Variants in PBX4 observed in about 807,000 individuals in gnomAD.
PBX4 encodes the protein PBX homeobox 4.
Under a neutral mutation model 35.1 loss-of-function variants are expected in PBX4, and 26 were observed. That is an observed-to-expected ratio of 0.74 (90% CI 0.54 to 1.03). The LOEUF is 1.03. Ranked by LOEUF, PBX4 falls within the 50% of genes least tolerant of loss-of-function variation. PBX4 has a pLI of 0.00. For synonymous variants in PBX4, 199 were observed against 204.2 expected, an observed-to-expected ratio of 0.97 and a Z score of 0.22; for missense variants, 448 against 504.3, an observed-to-expected ratio of 0.89 and a Z score of 1.07.
chr19:19,564,869 C>G, intron 6 of PBX4, 64 bp downstream of exon 6: 1 of 1,600,308 alleles, frequency 6.2e-7, no homozygotes, highest in South Asian at 1.1e-5. Flanking sequence ...GTGGCCTCCC[C>G]AGATGCAGCT....
At position 19,570,837 on chromosome 19, in the gene PBX4, G is replaced by C; in HGVS notation, c.194-4C>G. On this transcript the variant is annotated splice_region_variant and splice_polypyrimidine_tract_variant and intron_variant, in intron 2 of 7. Coordinates refer to ENST00000251203, the MANE Select transcript of PBX4 (RefSeq NM_025245.3). Reference sequence around the variant, plus strand: ...TGAATGCCACGGATGCTTACCACTAGATAAGAGAGACCGGGACAAGTCACA... The same window carrying C: ...TGAATGCCACGGATGCTTACCACTACATAAGAGAGACCGGGACAAGTCACA... 1 of 1,612,844 alleles carries C rather than the reference G, an allele frequency of 6.2e-7. No homozygotes were observed. The highest frequency in any genetic ancestry group is 8.5e-7 in the Non-Finnish European group (1 of 1,179,296).
At position 19,562,086 on chromosome 19, in the gene PBX4, TGGG is replaced by T. The variant is rs748202447; in HGVS notation, c.1061_1063del (p.Pro354del). The T allele has an allele frequency of 6.2e-7, 1 of 1,612,652 alleles. No individual in the cohort carries two copies. Among genetic ancestry groups the T allele is most frequent in the Non-Finnish European group, 8.5e-7 (1 of 1,179,504 alleles). On this transcript the variant is annotated inframe_deletion, in exon 8 of 8. Coordinates refer to ENST00000251203, the MANE Select transcript of PBX4 (RefSeq NM_025245.3). The surrounding 1 kb of genome is among the most constrained non-coding windows in gnomAD (Gnocchi z 4.8). Reference sequence around the variant, plus strand: ...TCCAGCAGGTGAGGCAGTTGCAGGTTGGGGGGTGGCCCCCTGCCAGCTACCCTG... The same window carrying T: ...TCCAGCAGGTGAGGCAGTTGCAGGTTGGGTGGCCCCCTGCCAGCTACCCTG...
At position 19,562,047 on chromosome 19, in the gene PBX4, A is replaced by C; in HGVS notation, c.1103T>G (p.Ile368Ser). 1 of 1,613,264 alleles carries C rather than the reference A, an allele frequency of 6.2e-7. No individual in the cohort carries two copies. ...TASPAGDPGS[I>S]NSSTSN ...AACTTAATTAGATGTACTGGAGTTG[A>C]TGCTGCCAGGGTCTCCAGCAGGTGA... Residue 368 changes from isoleucine (I) to serine (S), a missense_variant, in exon 8 of 8, where the codon ATC becomes AGC. By Grantham distance (142) the Ile-to-Ser change is moderately radical. Transcript: ENST00000251203. The surrounding 1 kb of genome is among the most constrained non-coding windows in gnomAD (Gnocchi z 4.8).
intron 1 of PBX4, among the ~76,000 whole-genome samples, chr19:19,613,277 C>G (rs1372723619): frequency 1.3e-5 from 2 of 151,012 alleles, no homozygotes; most frequent in Non-Finnish European, 3.0e-5. Context: ...AGCAGCCTGG[C>G]CAACATGGCA....
chr19:19,563,483 G>A lies in PBX4; in HGVS notation c.1032+26C>T, dbSNP rs1043301773. 17 of 1,479,982 alleles carry A rather than the reference G, an allele frequency of 1.1e-5. No individual in the cohort carries two copies. In the East Asian group the frequency reaches 2.0e-4, roughly 17 times the overall value. The allele number at this position is 1,479,982 out of a possible 1,614,324, so 91.7% of individuals were successfully genotyped here. On this transcript the variant is annotated intron_variant, in intron 7 of 7. Transcript: ENST00000251203. This position sits in a 1 kb window ranked among gnomAD's most constrained non-coding sequence, Gnocchi z 5.1. Reference sequence around the variant, plus strand: ...CTGAGAACCTACCACCCACCTGGGCGCTGTGGGACAGTGCCTGAGACTCAC... The same window carrying A: ...CTGAGAACCTACCACCCACCTGGGCACTGTGGGACAGTGCCTGAGACTCAC...
chr19:19,594,396 A>C (rs1476015722), intron 2 of PBX4, among the ~76,000 whole-genome samples: 1 of 136,374 alleles, frequency 7.3e-6, no homozygotes, highest in Non-Finnish European at 1.6e-5. Context: ...AACTCTGTCT[A>C]AAAAAAAAAA....
chr19:19,598,696 C>T (rs890581756), intron 2 of PBX4, among the ~76,000 whole-genome samples: 1 of 152,112 alleles, frequency 6.6e-6, no homozygotes, highest in Non-Finnish European at 1.5e-5. Context: ...TAGAATGCAG[C>T]TGCTTGTTAC....
chr19:19,585,033 C>T (rs1270133331), intron 2 of PBX4, among the ~76,000 whole-genome samples: 1 of 152,032 alleles, frequency 6.6e-6, no homozygotes, highest in Admixed American at 6.6e-5. Context: ...AACTGCCTGG[C>T]TTTACCTTTT....
chr19:19,604,418 G>C (rs1447581797), intron 1 of PBX4, among the ~76,000 whole-genome samples: 2 of 125,062 alleles, frequency 1.6e-5, no homozygotes, highest in Non-Finnish European at 3.1e-5. Flanking sequence ...AGCGAGACAA[G>C]ATCACATCAC....
chr19:19,581,659 C>T (rs561418876), intron 2 of PBX4, among the ~76,000 whole-genome samples: 3 of 152,284 alleles, frequency 2.0e-5, no homozygotes, highest in South Asian at 4.1e-4. Flanking sequence ...AAAGGCCACG[C>T]TGCAGGAGGA....
At chr19:19,614,706 AAAAC>A (rs543027482) in intron 1 of PBX4, among the ~76,000 whole-genome samples, 13 of 152,000 alleles carry the variant, frequency 8.6e-5, no homozygotes, top group Admixed American at 3.3e-4. Flanking sequence ...CAAACAAACA[AAAAC>A]AAACAAACAA....
chr19:19,613,107 G>A (rs1042737119), intron 1 of PBX4, among the ~76,000 whole-genome samples: 2 of 151,820 alleles, frequency 1.3e-5, no homozygotes, highest in African/African-American at 4.8e-5. Context: ...ACAGGCGTGA[G>A]CCACTGCACC....
intron 5 of PBX4, among the ~76,000 whole-genome samples, chr19:19,565,557 G>A (rs940261892): frequency 1.3e-5 from 2 of 152,192 alleles, no homozygotes; most frequent in African/African-American, 4.8e-5. Context: ...AGGGGTAGTT[G>A]GAATGTACCA....
intron 1 of PBX4, 37 bp downstream of exon 1, chr19:19,618,474 G>A: frequency 7.1e-7 from 1 of 1,400,060 alleles, no homozygotes; most frequent in Non-Finnish European, 9.3e-7. Context: ...TCACTGCCAC[G>A]ACCCTGCGTG....
chr19:19,572,663 G>A (rs909484788), intron 2 of PBX4, among the ~76,000 whole-genome samples: 1 of 150,908 alleles, frequency 6.6e-6, no homozygotes, highest in Non-Finnish European at 1.5e-5. Flanking sequence ...TCGGGAGTTC[G>A]AGACCAGCCC....
intron 2 of PBX4, among the ~76,000 whole-genome samples, chr19:19,597,456 G>C (rs540247364): frequency 6.6e-6 from 1 of 152,296 alleles, no homozygotes; most frequent in Non-Finnish European, 1.5e-5. Flanking sequence ...GGAGGACCAG[G>C]AACAGAGAAA....
In PBX4 at chr19:19,603,298, G is replaced by GT. The variant is rs977762189; in HGVS notation, c.120-3934dup. 2.2e-3 allele frequency among the ~76,000 whole-genome samples: 338 copies of GT among 151,808 alleles called. 1 individual carries two copies. The highest frequency in any genetic ancestry group is 7.9e-3 in the African/African-American group (326 of 41,376). On this transcript the variant is annotated intron_variant, in intron 1 of 7. Transcript: ENST00000251203. ...CAAGGCCAAAGGGTAAGTCAAAGGG[G>GT]TTTTTTTTCTTTTTTTCTTTTTTTT...
rs1295888879 is a variant in PBX4, at chr19:19,561,983, A to G, written c.*42T>C. 2.6e-6 allele frequency: 4 copies of G among 1,540,616 alleles called. No individual in the cohort carries two copies. The highest frequency in any genetic ancestry group is 2.7e-6 in the Non-Finnish European group (3 of 1,124,296). On this transcript the variant is annotated 3_prime_UTR_variant, in exon 8 of 8. Transcript: ENST00000251203. ...GTAACAAAGCAACGGCTGGCGATAC[A>G]TGGCAGCTCACGCAGCGCTCTTTCC...
intron 2 of PBX4, among the ~76,000 whole-genome samples, chr19:19,584,735 C>G (rs915573593): frequency 6.6e-6 from 1 of 151,098 alleles, no homozygotes; most frequent in African/African-American, 2.4e-5. Flanking sequence ...AAGCGATTCT[C>G]CTGCCTCAGC....
Sources: gnomAD v4.1 joint callset for allele counts (sites outside exome capture counted in the v4.1 genomes callset) on GRCh38, gnomAD v4.1.1 for gene constraint, Gnocchi (gnomAD v3.1) non-coding constraint, MANE v1.5 for transcripts, NCBI Gene and HGNC (gene_info 2026-07-23, HGNC 2026-07-21) for gene names.